The following SIL1 variants were observed in gnomAD, a reference collection of about 807,000 sequenced individuals.
SIL1 encodes nucleotide exchange factor SIL1.
Under a neutral mutation model 49.1 loss-of-function variants are expected in SIL1, and 40 were observed. That is an observed-to-expected ratio of 0.81 (90% CI 0.63 to 1.06). The LOEUF (loss-of-function observed/expected upper bound fraction) is 1.06, where lower values mean the gene tolerates loss of function less well. Among genes scored for constraint, SIL1 ranks in the 50% least tolerant of loss-of-function variants. The pLI is 0.00. For missense variants in SIL1, 500 were observed against 572.6 expected (o/e 0.87, Z 1.29); for synonymous variants, 253 against 250.8 (o/e 1.01, Z -0.08).
At chr5:139,120,123 A>G (rs1382351489) in intron 3 of SIL1, among the ~76,000 whole-genome samples, 3 of 152,254 alleles carry the variant, frequency 2.0e-5, no homozygotes, top group Non-Finnish European at 4.4e-5. Context: ...GCACAGCAGC[A>G]GTGGGGGCAG....
intron 3 of SIL1, among the ~76,000 whole-genome samples, chr5:139,097,022 G>A (rs1770481798): frequency 1.3e-5 from 2 of 152,182 alleles, no homozygotes; most frequent in South Asian, 2.1e-4. Context: ...GAGCCCTTGG[G>A]CCTTAAGGGA....
chr5:139,157,476 TG>T (rs1214849114), intron 1 of SIL1, among the ~76,000 whole-genome samples: 2 of 152,306 alleles, frequency 1.3e-5, no homozygotes, highest in Admixed American at 6.5e-5. Context: ...AGTCCTTCTC[TG>T]GAAGTTTTCA....
At chr5:139,192,087 A>AG (rs1752183915) in intron 1 of SIL1, among the ~76,000 whole-genome samples, 3 of 151,006 alleles carry the variant, frequency 2.0e-5, no homozygotes, top group Middle Eastern at 3.2e-3. Context: ...AAAAAAAAAA[A>AG]AAAAAAAAAA....
chr5:139,128,792 GAAACTCATCCCTA>G (rs1240433852), intron 1 of SIL1, among the ~76,000 whole-genome samples: 1 of 152,132 alleles, frequency 6.6e-6, no homozygotes, highest in Non-Finnish European at 1.5e-5. Flanking sequence ...TCCCAATGGA[GAAACTCATCCCTA>G]AAACTCATAT....
intron 1 of SIL1, among the ~76,000 whole-genome samples, chr5:139,151,432 G>A (rs1224729986): frequency 6.6e-6 from 1 of 152,212 alleles, no homozygotes; most frequent in Non-Finnish European, 1.5e-5. Flanking sequence ...CTTTCCAAAT[G>A]CTACTTTAAC....
intron 7 of SIL1, among the ~76,000 whole-genome samples, chr5:138,988,000 AT>A (rs1476203505): frequency 6.6e-6 from 1 of 151,986 alleles, no homozygotes; most frequent in Non-Finnish European, 1.5e-5. Flanking sequence ...TGCCCAGCTA[AT>A]TTTGTATTTT....
chr5:139,086,694 G>T (rs1038574339), intron 3 of SIL1, among the ~76,000 whole-genome samples: 2 of 151,874 alleles, frequency 1.3e-5, no homozygotes, highest in Admixed American at 6.5e-5. Flanking sequence ...GCCGGGCATG[G>T]TGGCTCATGC....
chr5:139,027,494 T>A (rs1043789525), intron 5 of SIL1, among the ~76,000 whole-genome samples: 2 of 152,216 alleles, frequency 1.3e-5, no homozygotes, highest in African/African-American at 4.8e-5. Flanking sequence ...AGGAGCAATT[T>A]GCTGATGAAA....
In SIL1 at chr5:138,951,817, T is replaced by C. The variant is rs914338669; in HGVS notation, c.835A>G (p.Thr279Ala). 6.2e-7 allele frequency: 1 copy of C among 1,614,130 alleles called. No homozygotes were observed. Among genetic ancestry groups the C allele is most frequent in the Middle Eastern group, 1.6e-4 (1 of 6,062 alleles). The stretch of plus-strand genomic sequence containing the variant: ...TTCTTTGCAGTGAGCGGCTGCTCCG[T>C]GGCCAGGATGACCAGCAGCTTCTGC... Reference protein sequence around the residue: ...ALQKLLVILATEQPLTAKKKV... With the variant: ...ALQKLLVILAAEQPLTAKKKV... The change falls in exon 8 of 10, where the codon ACG becomes GCG. Residue 279 changes from threonine (T) to alanine (A), a missense_variant. Coordinates refer to ENST00000394817, the MANE Select transcript of SIL1 (RefSeq NM_022464.5).
At chr5:139,147,661 T>C (rs758251080) in intron 1 of SIL1, among the ~76,000 whole-genome samples, 32 of 152,228 alleles carry the variant, frequency 2.1e-4, no homozygotes, top group Admixed American at 8.5e-4. Flanking sequence ...CATGTTCAAC[T>C]GTGCCCCACA....
chr5:139,119,663 A>G (rs1052372999), intron 3 of SIL1, among the ~76,000 whole-genome samples: 18 of 152,182 alleles, frequency 1.2e-4, no homozygotes, highest in African/African-American at 4.3e-4. Flanking sequence ...CTGGAGGCTG[A>G]GATGGGAGGA....
chr5:138,987,519 T>G (rs918133614), intron 7 of SIL1, among the ~76,000 whole-genome samples: 1 of 152,208 alleles, frequency 6.6e-6, no homozygotes, highest in Non-Finnish European at 1.5e-5. Context: ...GGCACCATAT[T>G]CTTTTCAATG....
intron 9 of SIL1, among the ~76,000 whole-genome samples, chr5:138,950,571 C>A (rs894207449): frequency 4.6e-5 from 7 of 152,332 alleles, no homozygotes; most frequent in Non-Finnish European, 7.3e-5. Flanking sequence ...ACTGAGGAAG[C>A]CCTGCCAATG....
At chr5:139,133,698 T>C (rs1480022407) in intron 1 of SIL1, among the ~76,000 whole-genome samples, 1 of 152,192 alleles carries the variant, frequency 6.6e-6, no homozygotes. Flanking sequence ...CAAAGCCAAC[T>C]CAGTAGCCTG....
At chr5:138,952,427 A>G (rs145206421) in intron 7 of SIL1, among the ~76,000 whole-genome samples, 2 of 152,352 alleles carry the variant, frequency 1.3e-5, no homozygotes, top group East Asian at 1.9e-4. Flanking sequence ...AAGAAAGTGC[A>G]AGAGACAGGA....
chr5:139,091,727 C>CCA (rs766689495), intron 3 of SIL1, among the ~76,000 whole-genome samples: 9 of 152,180 alleles, frequency 5.9e-5, no homozygotes, highest in Admixed American at 1.3e-4. Context: ...TTTTCCAGAG[C>CCA]CACCAGAAAG....
At chr5:139,192,883 G>A (rs1322776902) in intron 1 of SIL1, among the ~76,000 whole-genome samples, 3 of 150,894 alleles carry the variant, frequency 2.0e-5, no homozygotes, top group African/African-American at 7.3e-5. Flanking sequence ...TGTAGTACCA[G>A]CTACTCAGGA....
In SIL1 at chr5:139,026,845, C is replaced by T; in HGVS notation, c.601G>A (p.Glu201Lys). ...KFNSSSSSLE[E>K]KIAALFDLEY... ...AGATCAAAGAGCGCAGCAATCTTCT[C>T]TTCCAAACTGGAGCTGGAACTATTG... The change falls in exon 6 of 10, where the codon GAG becomes AAG. Residue 201 changes from glutamate to lysine, a missense_variant. Glu to Lys is a moderately conservative substitution (Grantham distance 56, BLOSUM62 1). Transcript: ENST00000394817. 1 of 1,614,184 alleles carries T rather than the reference C, an allele frequency of 6.2e-7. No homozygotes were observed. Among genetic ancestry groups the T allele is most frequent in the Non-Finnish European group, 8.5e-7 (1 of 1,180,006 alleles).
chr5:138,987,261 C>G (rs985273274), intron 7 of SIL1, among the ~76,000 whole-genome samples: 6 of 151,854 alleles, frequency 4.0e-5, no homozygotes, highest in Admixed American at 6.6e-5. Context: ...AGGCACACAC[C>G]ACCACTCTTG....
Sources: gnomAD v4.1 joint callset for allele counts (sites outside exome capture counted in the v4.1 genomes callset) on GRCh38, gnomAD v4.1.1 for gene constraint, MANE v1.5 for transcripts, NCBI Gene and HGNC (gene_info 2026-07-23, HGNC 2026-07-21) for gene names.